SLIT2: variants seen among roughly 807,000 people sequenced by gnomAD.
The protein encoded by SLIT2 is slit homolog 2 protein.
In SLIT2, 41 loss-of-function variants were observed where a neutral mutation model predicts 185.7. The ratio of observed to expected loss-of-function variants is 0.22; its 90% CI spans 0.17 to 0.29. SLIT2 has a LOEUF of 0.29. Ranked by LOEUF, SLIT2 falls within the 10% of genes least tolerant of loss-of-function variation. The pLI is 1.00. For synonymous variants in SLIT2, 693 were observed against 680.2 expected (o/e 1.02, Z -0.29); for missense variants, 1,571 against 1,909.0 (o/e 0.82, Z 3.30).
intron 31 of SLIT2, 22 bp from the exon 32 acceptor site, chr4:20,596,393 T>A: frequency 6.2e-7 from 1 of 1,607,142 alleles, no homozygotes; most frequent in Middle Eastern, 1.7e-4. Flanking sequence ...TTAACTAATT[T>A]TTTTTTCTCC....
chr4:20,357,574 A>C (rs1462612911), intron 4 of SLIT2, among the ~76,000 whole-genome samples: 2 of 152,084 alleles, frequency 1.3e-5, no homozygotes, highest in African/African-American at 2.4e-5. Context: ...GTTTTAAAAG[A>C]AAGATTATGT....
intron 23 of SLIT2, 66 bp from the exon 24 acceptor site, chr4:20,548,990 AT>A (rs1221116259): frequency 1.2e-6 from 1 of 868,804 alleles, no homozygotes; most frequent in East Asian, 2.4e-5. Context: ...TAACTGCTTT[AT>A]TTTTGGAAGT....
intron 4 of SLIT2, among the ~76,000 whole-genome samples, chr4:20,363,702 G>A (rs137859953): frequency 3.3e-5 from 5 of 152,142 alleles, no homozygotes; most frequent in Middle Eastern, 6.8e-3. Context: ...AGATTTAAAA[G>A]CTTTGGGAAT....
chr4:20,365,547 C>T (rs571516516), intron 4 of SLIT2, among the ~76,000 whole-genome samples: 1 of 152,220 alleles, frequency 6.6e-6, no homozygotes, highest in South Asian at 2.1e-4. Flanking sequence ...ACCCTCCCGT[C>T]ACTTCTTTCT....
intron 4 of SLIT2, among the ~76,000 whole-genome samples, chr4:20,290,936 G>A (rs759139060): frequency 4.0e-5 from 6 of 151,646 alleles, no homozygotes; most frequent in South Asian, 2.1e-4. Flanking sequence ...CTTCTTTTAG[G>A]GCTAAGCTTA....
chr4:20,531,854 T>C, intron 16 of SLIT2, 130 bp from the exon 17 acceptor site: 1 of 560,190 alleles, frequency 1.8e-6, no homozygotes, highest in Non-Finnish European at 3.2e-6. Context: ...ACAAATCTTC[T>C]GTGATTTATG....
chr4:20,364,383 AAAAG>A (rs777246584), intron 4 of SLIT2: 70 of 517,734 alleles, frequency 1.4e-4, no homozygotes, highest in Non-Finnish European at 1.7e-4. Context: ...TGCAAAGAGA[AAAAG>A]AAAGCTGACC....
chr4:20,440,056 A>G (rs1452543350), intron 4 of SLIT2, among the ~76,000 whole-genome samples: 3 of 152,220 alleles, frequency 2.0e-5, no homozygotes, highest in Non-Finnish European at 4.4e-5. Context: ...TGGGGTTGCC[A>G]GAAGTGCAAT....
chr4:20,593,969 T>C (rs1727723090), intron 30 of SLIT2, among the ~76,000 whole-genome samples: 1 of 150,728 alleles, frequency 6.6e-6, no homozygotes, highest in Non-Finnish European at 1.5e-5. Flanking sequence ...TGTGTGTATG[T>C]ATATGTATAT....
At chr4:20,461,907 C>T (rs1437638566) in intron 4 of SLIT2, among the ~76,000 whole-genome samples, 1 of 152,156 alleles carries the variant, frequency 6.6e-6, no homozygotes, top group African/African-American at 2.4e-5. Context: ...TTTGGAGTCT[C>T]AGTCATCCAT....
chr4:20,397,089 G>A (rs948877737), intron 4 of SLIT2, among the ~76,000 whole-genome samples: 1 of 151,626 alleles, frequency 6.6e-6, no homozygotes, highest in African/African-American at 2.4e-5. Flanking sequence ...TATGCATGAA[G>A]TGATTAATTA....
intron 29 of SLIT2, among the ~76,000 whole-genome samples, chr4:20,588,056 T>C (rs1339823794): frequency 1.3e-5 from 2 of 152,214 alleles, no homozygotes; most frequent in African/African-American, 4.8e-5. Flanking sequence ...AGTAGGCTGA[T>C]AAAATATGAT....
At chr4:20,485,402 T>G (rs1011160447) in intron 6 of SLIT2, among the ~76,000 whole-genome samples, 1 of 152,090 alleles carries the variant, frequency 6.6e-6, no homozygotes, top group African/African-American at 2.4e-5. Flanking sequence ...ATAGAAGTAG[T>G]AATAATCAAT....
At chr4:20,496,282 T>C (rs981932684) in intron 9 of SLIT2, among the ~76,000 whole-genome samples, 8 of 152,026 alleles carry the variant, frequency 5.3e-5, no homozygotes, top group African/African-American at 1.9e-4. Context: ...AATTATTTGT[T>C]AAGCAATAGA....
rs2148895116 is a variant in SLIT2 at position 20,553,700 on chromosome 4, T to C, written c.2562-105T>C. 4.6e-6 allele frequency: 5 copies of C among 1,081,294 alleles called. No homozygotes were observed. The South Asian group carries it at 1.8e-4, about 38-fold the overall frequency. The allele number at this position is 1,081,294 out of a possible 1,614,324, so 67.0% of individuals were successfully genotyped here. On this transcript the variant is annotated intron_variant, in intron 25 of 36. Transcript: ENST00000504154. ...TTTTCTGCTGAGCATCACTTTGAAT[T>C]CTTTTGCCCTTAGGAAATAACAATA...
chr4:20,483,755 A>C (rs1009376633), intron 6 of SLIT2, among the ~76,000 whole-genome samples: 1 of 152,076 alleles, frequency 6.6e-6, no homozygotes, highest in Admixed American at 6.6e-5. Flanking sequence ...TACTCATTAC[A>C]AAGAAAATCT....
chr4:20,375,911 T>G (rs188122901), intron 4 of SLIT2, among the ~76,000 whole-genome samples: 449 of 152,144 alleles, frequency 3.0e-3, no homozygotes, highest in Non-Finnish European at 5.1e-3. Flanking sequence ...TTCTTAGAAC[T>G]TGTACAGAAC....
rs568115187 is a variant in SLIT2 at position 20,370,539 on chromosome 4, T to A, written c.396-97213T>A. Among the ~76,000 whole-genome samples, 86 of 152,228 alleles carry A rather than the reference T, an allele frequency of 5.6e-4. No homozygotes were observed. In the South Asian group the frequency reaches 0.014, roughly 25 times the overall value. The stretch of plus-strand genomic sequence containing the variant: ...TTTGCTGAGTCAGAAATTTAAGCCT[T>A]AGCCTGTGAGACAGAGACTCCAATA... On this transcript the variant is annotated intron_variant, in intron 4 of 36. Transcript: ENST00000504154.
At chr4:20,417,055 C>T (rs1727742484) in intron 4 of SLIT2, among the ~76,000 whole-genome samples, 1 of 151,202 alleles carries the variant, frequency 6.6e-6, no homozygotes, top group African/African-American at 2.4e-5. Context: ...GAAATGTGAG[C>T]TTTCCTCTTT....
Sources: gnomAD v4.1 joint callset for allele counts (sites outside exome capture counted in the v4.1 genomes callset) on GRCh38, gnomAD v4.1.1 for gene constraint, MANE v1.5 for transcripts, NCBI Gene and HGNC (gene_info 2026-07-23, HGNC 2026-07-21) for gene names.